Variants in VPS36 observed in about 807,000 individuals in gnomAD.
VPS36 encodes vacuolar protein sorting 36 homolog, also known as vacuolar protein-sorting-associated protein 36.
In VPS36, 31 loss-of-function variants were observed where a neutral mutation model predicts 63.5. The observed-to-expected ratio is 0.49, with a 90% CI of 0.37 to 0.66. VPS36 has a LOEUF of 0.66. Among genes scored for constraint, VPS36 ranks in the 30% least tolerant of loss-of-function variants. VPS36 has a pLI of 0.00. For missense variants in VPS36, 338 were observed against 463.7 expected, an observed-to-expected ratio of 0.73 and a Z score of 2.49; for synonymous variants, 138 against 157.2, an observed-to-expected ratio of 0.88 and a Z score of 0.91.
At chr13:52,434,674 T>C (rs1222488393) in intron 5 of VPS36, 119 bp downstream of exon 5, 6 of 992,350 alleles carry the variant, frequency 6.0e-6, no homozygotes, top group South Asian at 1.6e-5. Flanking sequence ...AAATTCTTTA[T>C]AAGAATACCA....
At position 52,417,128 on chromosome 13, in the gene VPS36, C is replaced by T; in HGVS notation, c.919G>A (p.Asp307Asn). Reference protein sequence around the residue: ...LKLPLRLRVFDSGVMVIELQS... With the variant: ...LKLPLRLRVFNSGVMVIELQS... ...AGCTCAATTACCATGACGCCACTGT[C>T]AAACACACGGAGCCTGAAAACCACA... is the stretch of plus-strand genomic sequence containing the variant. The change falls in exon 12 of 14, where the codon GAC (aspartate) becomes AAC (asparagine). Residue 307 changes from aspartate (D) to asparagine (N), a missense_variant. Physicochemically the swap from Asp to Asn is conservative, Grantham distance 23. Coordinates refer to ENST00000378060, the MANE Select transcript of VPS36 (RefSeq NM_016075.4). 3.7e-6 allele frequency: 6 copies of T among 1,613,996 alleles called. No individual in the cohort carries two copies. The highest frequency in any genetic ancestry group is 5.1e-6 in the Non-Finnish European group (6 of 1,179,970).
At chr13:52,421,743 C>A (rs186629339) in intron 10 of VPS36, among the ~76,000 whole-genome samples, 1 of 151,896 alleles carries the variant, frequency 6.6e-6, no homozygotes, top group African/African-American at 2.4e-5. Flanking sequence ...AGACTGGTCT[C>A]GAACTCCTGA....
At chr13:52,418,418 T>C (rs1958013801) in intron 10 of VPS36, among the ~76,000 whole-genome samples, 1 of 151,322 alleles carries the variant, frequency 6.6e-6, no homozygotes, top group Non-Finnish European at 1.5e-5. Context: ...CTACTAAAAA[T>C]ATAAAAATTA....
intron 1 of VPS36, among the ~76,000 whole-genome samples, chr13:52,449,014 G>A (rs2137815767): frequency 6.6e-6 from 1 of 152,344 alleles, no homozygotes; most frequent in African/African-American, 2.4e-5. Context: ...CCAATCCGGG[G>A]ATGGAAGACT....
At position 52,418,063 on chromosome 13, in the gene VPS36, G is replaced by C; in HGVS notation, c.841-7C>G. The C allele has an allele frequency of 6.2e-7, 1 of 1,607,106 alleles. No individual in the cohort carries two copies. Among genetic ancestry groups the C allele is most frequent in the Non-Finnish European group, 8.5e-7 (1 of 1,177,068 alleles). On this transcript the variant is annotated splice_polypyrimidine_tract_variant and splice_region_variant and intron_variant, in intron 10 of 13. Transcript: ENST00000378060. ...AATCTTCTGGTGAGAGCAACTAATAGGGAAAAAAAATCCAGTAATGCTATA... is the reference window on the plus strand; with the variant it reads ...AATCTTCTGGTGAGAGCAACTAATACGGAAAAAAAATCCAGTAATGCTATA...
chr13:52,427,159 G>A, intron 7 of VPS36, 28 bp downstream of exon 7: 2 of 1,610,384 alleles, frequency 1.2e-6, no homozygotes, highest in Non-Finnish European at 1.7e-6. Context: ...TAATTGGTAT[G>A]AATTTAATAG....
intron 4 of VPS36, among the ~76,000 whole-genome samples, chr13:52,435,576 G>A (rs774598259): frequency 8.5e-5 from 13 of 152,142 alleles, no homozygotes; most frequent in Non-Finnish European, 1.6e-4. Context: ...GAAGGAAGCA[G>A]AGAATCATTT....
intron 6 of VPS36, among the ~76,000 whole-genome samples, chr13:52,427,622 A>T (rs566436421): frequency 6.3e-4 from 96 of 151,792 alleles, no homozygotes; most frequent in Admixed American, 1.3e-3. Flanking sequence ...AAAAAAAAAA[A>T]TTTAAATTTT....
chr13:52,416,122 T>G, intron 12 of VPS36, 29 bp from the exon 13 acceptor site: 6 of 1,604,918 alleles, frequency 3.7e-6, no homozygotes, highest in Non-Finnish European at 5.1e-6. Flanking sequence ...AGAAAAAAAA[T>G]GTAATTAATT....
rs752432200 is a variant in VPS36 at position 52,450,505 on chromosome 13, C to T, written c.90G>A (p.Glu30=). Residue 30 remains glutamate, a synonymous_variant, in exon 1 of 14, where the codon GAG becomes GAA. Transcript: ENST00000378060. ...QQRGVRIYDG[E]EKIKFDAGTL... ...AGGTTGGCAGACGCCCTACCTTCTC[C>T]TCGCCATCGTAGATTCGCACCCCGC... 6.9e-6 allele frequency: 11 copies of T among 1,592,506 alleles called. No homozygotes were observed. Among genetic ancestry groups the T allele is most frequent in the Non-Finnish European group, 9.4e-6 (11 of 1,169,894 alleles).
chr13:52,434,773 G>A lies in VPS36; in HGVS notation c.441+20C>T. 1 of 1,598,758 alleles carries A rather than the reference G, an allele frequency of 6.3e-7. No homozygotes were observed. The highest frequency in any genetic ancestry group is 8.6e-7 in the Non-Finnish European group (1 of 1,168,822). ...GTACAGAGTTGAAAATACTGGATTAGCAAATAGTTTTAAAAATACCTGGGG... is the reference window on the plus strand; with the variant it reads ...GTACAGAGTTGAAAATACTGGATTAACAAATAGTTTTAAAAATACCTGGGG... On this transcript the variant is annotated intron_variant, in intron 5 of 13. Coordinates refer to ENST00000378060, the MANE Select transcript of VPS36 (RefSeq NM_016075.4).
In VPS36 at chr13:52,433,689, T is replaced by C. The variant is rs1458617007; in HGVS notation, c.501A>G (p.Arg167=). 2.1e-5 allele frequency: 34 copies of C among 1,613,530 alleles called. No individual in the cohort carries two copies. Among genetic ancestry groups the C allele is most frequent in the Non-Finnish European group, 2.7e-5 (32 of 1,179,842 alleles). ...VGIERKLEEK[R]KETDKNISEA... ...CAGAAATGTTTTTGTCAGTTTCTTTTCTTTTTTCTTCCAGTTTCCTTTCAA... is the reference window on the plus strand; with the variant it reads ...CAGAAATGTTTTTGTCAGTTTCTTTCCTTTTTTCTTCCAGTTTCCTTTCAA... Residue 167 remains arginine (R), a synonymous_variant, in exon 6 of 14, where the codon AGA becomes AGG. Transcript: ENST00000378060.
intron 6 of VPS36, among the ~76,000 whole-genome samples, chr13:52,432,156 C>A (rs1361507983): frequency 1.3e-5 from 2 of 152,112 alleles, no homozygotes; most frequent in Non-Finnish European, 2.9e-5. Context: ...TTAAGACCAT[C>A]CTGTCTAACA....
rs1958393023 is a variant in VPS36 at position 52,450,616 on chromosome 13, GC to G, written c.-23del. On this transcript the variant is annotated 5_prime_UTR_variant, in exon 1 of 14. Coordinates refer to ENST00000378060, the MANE Select transcript of VPS36 (RefSeq NM_016075.4). The stretch of plus-strand genomic sequence containing the variant: ...CCATGGCCGCTGCCACCCAGCCCCG[GC>G]CCTCCGAGGCCGCGAGCAGCGCGCC... 1 of 1,549,516 alleles carries G rather than the reference GC, an allele frequency of 6.5e-7. No homozygotes were observed. The highest frequency in any genetic ancestry group is 8.7e-7 in the Non-Finnish European group (1 of 1,147,620).
intron 11 of VPS36, 109 bp downstream of exon 11, chr13:52,417,883 G>T (rs1958007760): frequency 2.4e-6 from 2 of 838,924 alleles, no homozygotes; most frequent in East Asian, 2.6e-5. Context: ...AATTTCAAGA[G>T]AAATAATCTG....
chr13:52,439,010 T>C lies in VPS36; in HGVS notation c.236+88A>G, dbSNP rs561612658. On this transcript the variant is annotated intron_variant, in intron 3 of 13. Transcript: ENST00000378060. Reference sequence around the variant, plus strand: ...TATTCATGCTTTAAGAATGGATTCGTACATCAAGTCTAAGATAGGACCTCT... The same window carrying C: ...TATTCATGCTTTAAGAATGGATTCGCACATCAAGTCTAAGATAGGACCTCT... 4.4e-4 allele frequency: 512 copies of C among 1,164,508 alleles called. 1 individual carries two copies. The highest frequency in any genetic ancestry group is 5.8e-4 in the Non-Finnish European group (474 of 816,376). 72.1% of individuals were successfully genotyped at this position (1,164,508 alleles called of 1,614,324 possible). A position where few individuals can be genotyped will look rare whatever the true frequency, so the allele number is the denominator to read the frequency against.
At chr13:52,426,614 T>C (rs1407989463) in intron 8 of VPS36, among the ~76,000 whole-genome samples, 1 of 152,186 alleles carries the variant, frequency 6.6e-6, no homozygotes, top group Non-Finnish European at 1.5e-5. Context: ...GGTTCATGCC[T>C]GTAATCCGAG....
At position 52,412,607 on chromosome 13, in the gene VPS36, A is replaced by T. The variant is rs1957958208; in HGVS notation, c.*3223T>A. ...ACAAAACTGCTCACACAAAATTGCT[A>T]TGTGTTCAAAAAAATGTTTTTTTTA... On this transcript the variant is annotated 3_prime_UTR_variant, in exon 14 of 14. Coordinates refer to ENST00000378060, the MANE Select transcript of VPS36 (RefSeq NM_016075.4). 1 of 152,178 alleles carries T rather than the reference A, an allele frequency of 6.6e-6. No individual in the cohort carries two copies. The highest frequency in any genetic ancestry group is 6.5e-5 in the Admixed American group (1 of 15,282). The allele number at this position is 152,178 out of a possible 1,614,324, so 9.4% of individuals were successfully genotyped here.
intron 2 of VPS36, among the ~76,000 whole-genome samples, chr13:52,441,480 A>G (rs1329034175): frequency 6.6e-6 from 1 of 152,100 alleles, no homozygotes. Flanking sequence ...AGGTTGGGCA[A>G]GGTGGCTCAC....
Sources: allele counts gnomAD v4.1 joint callset (sites outside exome capture counted in the v4.1 genomes callset), GRCh38; gene constraint gnomAD v4.1.1; transcripts MANE v1.5; gene names NCBI Gene and HGNC (gene_info 2026-07-23, HGNC 2026-07-21).